The following GPC5 variants were observed in gnomAD, a reference collection of about 807,000 sequenced individuals.
The protein encoded by GPC5 is glypican 5.
Under a neutral mutation model 53.9 loss-of-function variants are expected in GPC5, and 47 were observed. The observed-to-expected ratio is 0.87, with a 90% CI of 0.69 to 1.11. The LOEUF is 1.11. GPC5 is among the 50% of genes most tolerant of loss of function. The pLI is 0.00. For synonymous variants in GPC5, 286 were observed against 263.3 expected, an observed-to-expected ratio of 1.09 and a Z score of -0.84; for missense variants, 748 against 713.1, an observed-to-expected ratio of 1.05 and a Z score of -0.56.
At chr13:92,571,884 G>A (rs1387470122) in intron 7 of GPC5, among the ~76,000 whole-genome samples, 1 of 151,970 alleles carries the variant, frequency 6.6e-6, no homozygotes, top group Non-Finnish European at 1.5e-5. Context: ...ACAAAAACTA[G>A]AAAAATTAAA....
At position 92,347,904 on chromosome 13, in the gene GPC5, A is replaced by G. The variant is rs1386523922; in HGVS notation, c.1561+202915A>G. Among the ~76,000 whole-genome samples, 7 of 12,632 alleles carry G rather than the reference A, an allele frequency of 5.5e-4. 2 individuals carry two copies. In the East Asian group the frequency reaches 0.015, roughly 28 times the overall value. The allele number at this position is 12,632 out of a possible 152,430, so 8.3% of individuals were successfully genotyped here. A position where few individuals can be genotyped will look rare whatever the true frequency, so the allele number is the denominator to read the frequency against. ...ATATTATATATATTATATATATAAT[A>G]TATATATAATATATATATATTATAT... On this transcript the variant is annotated intron_variant, in intron 7 of 7. Transcript: ENST00000377067.
intron 7 of GPC5, among the ~76,000 whole-genome samples, chr13:92,187,455 A>G (rs73624819): frequency 0.017 from 2,644 of 152,326 alleles, 64 homozygotes; most frequent in African/African-American, 0.06. Context: ...ACGTCATGCC[A>G]TATGATAGGG....
chr13:91,728,480 A>G, intron 3 of GPC5, 52 bp from the exon 4 acceptor site: 3 of 1,554,000 alleles, frequency 1.9e-6, no homozygotes, highest in Non-Finnish European at 2.6e-6. Flanking sequence ...TCACATTCTC[A>G]GAAAGGTGGA....
At chr13:91,959,541 T>G (rs938383183) in intron 6 of GPC5, among the ~76,000 whole-genome samples, 6 of 151,976 alleles carry the variant, frequency 3.9e-5, no homozygotes, top group African/African-American at 1.4e-4. Context: ...TTAACTAATT[T>G]TATAAGGCCA....
rs532171878 is a variant in GPC5, at chr13:92,346,636, A to C, written c.1561+201647A>C. ...AATTCACAGAAAACAATGCAAGCAC[A>C]CAAGGATTATGAAGAATTAGGGAAT... is the stretch of plus-strand genomic sequence containing the variant. On this transcript the variant is annotated intron_variant, in intron 7 of 7. Transcript: ENST00000377067. 1.3e-4 allele frequency among the ~76,000 whole-genome samples: 20 copies of C among 152,322 alleles called. No homozygotes were observed. The South Asian group carries it at 2.7e-3, about 21-fold the overall frequency.
intron 7 of GPC5, among the ~76,000 whole-genome samples, chr13:92,625,883 T>C (rs1885031054): frequency 1.3e-5 from 2 of 152,154 alleles, no homozygotes; most frequent in African/African-American, 4.8e-5. Flanking sequence ...AGTGAGGTGG[T>C]CACATGGGTC....
intron 6 of GPC5, among the ~76,000 whole-genome samples, chr13:92,091,146 A>G (rs1300967440): frequency 2.0e-5 from 3 of 152,200 alleles, no homozygotes; most frequent in African/African-American, 7.2e-5. Context: ...TGCCTAAGAC[A>G]CCATGACAAT....
chr13:92,832,050 A>C (rs1240762338), intron 7 of GPC5, among the ~76,000 whole-genome samples: 1 of 152,124 alleles, frequency 6.6e-6, no homozygotes, highest in Non-Finnish European at 1.5e-5. Context: ...CAATGAAAAA[A>C]CTGAGGCCAG....
At chr13:92,804,868 A>C (rs1018960234) in intron 7 of GPC5, among the ~76,000 whole-genome samples, 9 of 152,052 alleles carry the variant, frequency 5.9e-5, no homozygotes, top group African/African-American at 2.2e-4. Flanking sequence ...TTACCATTTC[A>C]ACAAGGTTCT....
At chr13:92,039,408 A>G (rs937305460) in intron 6 of GPC5, among the ~76,000 whole-genome samples, 1 of 152,220 alleles carries the variant, frequency 6.6e-6, no homozygotes, top group Admixed American at 6.5e-5. Flanking sequence ...CCCTCTCCTC[A>G]TCATAACAGC....
Position 91,630,662 on chromosome 13 carries a change from T to C in GPC5, c.326-62525T>C, listed in dbSNP as rs151164067. On this transcript the variant is annotated intron_variant, in intron 2 of 7. Transcript: ENST00000377067. ...GAGGGCCTGTCCCCAAATTACAGAA[T>C]GGAGAAGCCTCTTTGGGCGGGCTGG... 4.5e-3 allele frequency among the ~76,000 whole-genome samples: 678 copies of C among 152,170 alleles called. 8 individuals are homozygous for C. The highest frequency in any genetic ancestry group is 0.015 in the African/African-American group (624 of 41,536).
intron 7 of GPC5, among the ~76,000 whole-genome samples, chr13:92,633,202 A>G (rs1230712306): frequency 4.3e-4 from 65 of 152,252 alleles, no homozygotes; most frequent in Non-Finnish European, 1.3e-4. Context: ...CAAAACTCCC[A>G]TTTTTTAAAA....
At chr13:92,037,900 G>A (rs1156689030) in intron 6 of GPC5, among the ~76,000 whole-genome samples, 5 of 152,102 alleles carry the variant, frequency 3.3e-5, no homozygotes, top group African/African-American at 1.2e-4. Flanking sequence ...AAGATTTTGA[G>A]CAGATTTCAG....
intron 7 of GPC5, among the ~76,000 whole-genome samples, chr13:92,163,072 A>G (rs1482400611): frequency 2.6e-5 from 4 of 152,192 alleles, no homozygotes; most frequent in Non-Finnish European, 5.9e-5. Flanking sequence ...AAGTTAATGT[A>G]TGAATATATG....
chr13:91,832,587 C>T (rs1352363240), intron 5 of GPC5, among the ~76,000 whole-genome samples: 2 of 152,008 alleles, frequency 1.3e-5, no homozygotes, highest in African/African-American at 4.8e-5. Flanking sequence ...ATGGTCTTTA[C>T]AATTTGATAT....
chr13:91,948,742 A>G (rs575297525), intron 6 of GPC5, among the ~76,000 whole-genome samples: 5 of 152,334 alleles, frequency 3.3e-5, no homozygotes, highest in South Asian at 2.1e-4. Context: ...ACTTCAATCC[A>G]TTTTGTAACA....
intron 7 of GPC5, among the ~76,000 whole-genome samples, chr13:92,600,564 C>A (rs1302681541): frequency 6.6e-6 from 1 of 151,848 alleles, no homozygotes; most frequent in Admixed American, 6.6e-5. Context: ...ATGGCATGAT[C>A]TCAGCTCACT....
At chr13:92,121,286 T>TG (rs1457666816) in intron 6 of GPC5, among the ~76,000 whole-genome samples, 1 of 152,088 alleles carries the variant, frequency 6.6e-6, no homozygotes. Flanking sequence ...GTCACATTTG[T>TG]GGGGGTTGGG....
chr13:91,523,962 T>C (rs1566475080), intron 2 of GPC5, among the ~76,000 whole-genome samples: 1 of 151,976 alleles, frequency 6.6e-6, no homozygotes, highest in Non-Finnish European at 1.5e-5. Flanking sequence ...GAATATATTA[T>C]AATTTTAAAA....
Sources: gnomAD v4.1 joint callset for allele counts (sites outside exome capture counted in the v4.1 genomes callset) on GRCh38, gnomAD v4.1.1 for gene constraint, MANE v1.5 for transcripts, NCBI Gene and HGNC (gene_info 2026-07-23, HGNC 2026-07-21) for gene names.